Variants in FLT4 observed in about 807,000 individuals in gnomAD.
The protein encoded by FLT4 is fms related receptor tyrosine kinase 4, also known as vascular endothelial growth factor receptor 3.
In FLT4, 30 loss-of-function variants were observed where a neutral mutation model predicts 163.2. The ratio of observed to expected loss-of-function variants is 0.18; its 90% CI spans 0.14 to 0.25. FLT4 has a LOEUF of 0.25. FLT4 is among the 10% of genes least tolerant of loss of function. The probability of loss-of-function intolerance (pLI) is 1.00; values close to 1 mark genes in which losing one functional copy is unlikely to be tolerated. For missense variants in FLT4, 1,510 were observed against 1,863.8 expected (o/e 0.81, Z 3.50); for synonymous variants, 884 against 789.5 (o/e 1.12, Z -2.01).
chr5:180,619,426 C>CTGGCTGCTTAGCTAAGGCACAG, intron 18 of FLT4, 60 bp from the exon 19 acceptor site: 2 of 1,390,154 alleles, frequency 1.4e-6, no homozygotes, highest in Non-Finnish European at 2.0e-6. Context: ...TTCCCCGCCA[C>CTGGCTGCTTAGCTAAGGCACAG]CCGGCGCTTT....
At chr5:180,629,675 T>C (rs1181033182) in intron 6 of FLT4, 21 bp downstream of exon 6, 1 of 1,608,476 alleles carries the variant, frequency 6.2e-7, no homozygotes, top group Non-Finnish European at 8.5e-7. Flanking sequence ...CAGGACAGCC[T>C]GGCAGCGCTG....
intron 29 of FLT4, among the ~76,000 whole-genome samples, chr5:180,604,453 C>T (rs1761679955): frequency 1.3e-5 from 2 of 152,202 alleles, no homozygotes; most frequent in Admixed American, 1.3e-4. Context: ...GTGACATCCT[C>T]CCGCGGACTG....
intron 1 of FLT4, among the ~76,000 whole-genome samples, chr5:180,648,161 C>T (rs903478748): frequency 1.3e-5 from 2 of 152,238 alleles, no homozygotes; most frequent in African/African-American, 4.8e-5. Flanking sequence ...ATCCTGAGCA[C>T]CTGTGGGAGC....
chr5:180,608,894 C>T (rs1182697802), intron 29 of FLT4, 74 bp downstream of exon 29: 2 of 1,302,012 alleles, frequency 1.5e-6, no homozygotes, highest in South Asian at 2.4e-5. Flanking sequence ...TGGGCACACC[C>T]AGACCCCAGC....
chr5:180,639,321 G>A (rs1167589561), intron 1 of FLT4, among the ~76,000 whole-genome samples: 1 of 103,192 alleles, frequency 9.7e-6, no homozygotes, highest in Non-Finnish European at 2.1e-5. Context: ...AAGGATGGAT[G>A]GGTGGATGGA....
chr5:180,645,696 G>A (rs545067594), intron 1 of FLT4, among the ~76,000 whole-genome samples: 1 of 152,318 alleles, frequency 6.6e-6, no homozygotes, highest in South Asian at 2.1e-4. Flanking sequence ...AGCCCGGCCA[G>A]GGCTGGCGCC....
At position 180,636,846 on chromosome 5, in the gene FLT4, G is replaced by A. The variant is rs993890500; in HGVS notation, c.59-5068C>T. On this transcript the variant is annotated intron_variant, in intron 1 of 29. Coordinates refer to ENST00000261937, the MANE Select transcript of FLT4 (RefSeq NM_182925.5). The surrounding 1 kb of genome is among the most constrained non-coding windows in gnomAD (Gnocchi z 4.3). ...CTTGGTGCCCTCCCGGTGCTGCCCC[G>A]TCCTGGTGCGTGGGGTCCGCAGCCG... 4.0e-5 allele frequency among the ~76,000 whole-genome samples: 6 copies of A among 151,280 alleles called. No homozygotes were observed. Among genetic ancestry groups the A allele is most frequent in the African/African-American group, 7.3e-5 (3 of 41,018 alleles).
rs1762187536 is a variant in FLT4 at position 180,611,477 on chromosome 5, C to G, written c.3540G>C (p.Glu1180Asp). The change falls in exon 27 of 30, where the codon GAG becomes GAC. Residue 1180 changes from glutamate (E) to aspartate (D), a missense_variant and splice_region_variant. Physicochemically the swap from Glu to Asp is conservative, Grantham distance 45. This residue lies in a region of FLT4 where 295 missense variants were observed against 311.0 expected (regional missense o/e 0.95). Coordinates refer to ENST00000261937, the MANE Select transcript of FLT4 (RefSeq NM_182925.5). ...GDLLQGRGLQ[E>D]EEEVCMAPRS... is the part of the protein sequence containing the mutation. ...GCGGGGCCATGCAGACCTCCTCTTCCTCCTGGCGGGAACAGGAGAGGCAGC... is the reference window on the plus strand; with the variant it reads ...GCGGGGCCATGCAGACCTCCTCTTCGTCCTGGCGGGAACAGGAGAGGCAGC... 4 of 1,613,718 alleles carry G rather than the reference C, an allele frequency of 2.5e-6. No homozygotes were observed. Among genetic ancestry groups the G allele is most frequent in the Non-Finnish European group, 2.5e-6 (3 of 1,179,918 alleles).
intron 1 of FLT4, among the ~76,000 whole-genome samples, chr5:180,640,999 G>A (rs1378011294): frequency 6.6e-6 from 1 of 152,132 alleles, no homozygotes; most frequent in Non-Finnish European, 1.5e-5. Flanking sequence ...GAAGGGGCCG[G>A]CATGAGAGAT....
chr5:180,642,572 G>A (rs913360107), intron 1 of FLT4, among the ~76,000 whole-genome samples: 1 of 152,122 alleles, frequency 6.6e-6, no homozygotes, highest in Non-Finnish European at 1.5e-5. Flanking sequence ...TCTCTCGATG[G>A]TGGCACACCG....
Position 180,631,772 on chromosome 5 carries a change from A to C in FLT4, c.65T>G (p.Val22Gly). ...WLCLGLLDGL[V>G]SGYSMTPPTL... is the part of the protein sequence containing the mutation. The stretch of plus-strand genomic sequence containing the variant: ...CGGGGGGGTCATGGAGTAGCCACTC[A>C]CCAGGCCTGGGGTGGGAGACAGGGT... The change falls in exon 2 of 30, where the codon GTG (valine) becomes GGG (glycine). Residue 22 changes from valine to glycine, a missense_variant. Around this residue, in one of 5 missense-constraint regions of FLT4, gnomAD observed 157 missense variants for 178.7 expected, o/e 0.88. Coordinates refer to ENST00000261937, the MANE Select transcript of FLT4 (RefSeq NM_182925.5). 1.9e-6 allele frequency: 3 copies of C among 1,608,730 alleles called. No individual in the cohort carries two copies. Among genetic ancestry groups the C allele is most frequent in the Non-Finnish European group, 2.5e-6 (3 of 1,179,084 alleles).
chr5:180,621,055 TCGGCCTCG>T (rs771521010), intron 14 of FLT4, 43 bp downstream of exon 14: 5 of 1,611,996 alleles, frequency 3.1e-6, no homozygotes, highest in Non-Finnish European at 4.2e-6. Flanking sequence ...TTTGGGATCG[TCGGCCTCG>T]CGGGCCTCCG....
In FLT4 at chr5:180,630,401, G is replaced by T; in HGVS notation, c.401-64C>A. On this transcript the variant is annotated intron_variant, in intron 3 of 29. Transcript: ENST00000261937. This position sits in a 1 kb window ranked among gnomAD's most constrained non-coding sequence, Gnocchi z 6.3. ...CGGCCAGGCTGGGGGAGGGCTCCACGGGGCTGGGTGGTGCTGGTCCTGAAC... is the reference window on the plus strand; with the variant it reads ...CGGCCAGGCTGGGGGAGGGCTCCACTGGGCTGGGTGGTGCTGGTCCTGAAC... 1 of 1,555,418 alleles carries T rather than the reference G, an allele frequency of 6.4e-7. No homozygotes were observed. The highest frequency in any genetic ancestry group is 8.8e-7 in the Non-Finnish European group (1 of 1,140,112).
rs1036546391 is a variant in FLT4 at position 180,623,338 on chromosome 5, G to A, written c.1549-499C>T. On this transcript the variant is annotated intron_variant, in intron 11 of 29. Coordinates refer to ENST00000261937, the MANE Select transcript of FLT4 (RefSeq NM_182925.5). This position sits in a 1 kb window ranked among gnomAD's most constrained non-coding sequence, Gnocchi z 5.8. ...GGCCCAGGGTTATTGAGAGGGGTGG[G>A]GATGGCTCCCAGAAGGACTGAGGCC... Among the ~76,000 whole-genome samples the A allele has an allele frequency of 1.3e-5, 2 of 152,138 alleles. No individual in the cohort carries two copies. Among genetic ancestry groups the A allele is most frequent in the Non-Finnish European group, 2.9e-5 (2 of 68,008 alleles).
intron 1 of FLT4, among the ~76,000 whole-genome samples, chr5:180,646,179 C>T (rs931622488): frequency 6.6e-6 from 1 of 152,124 alleles, no homozygotes; most frequent in Admixed American, 6.5e-5. Context: ...CCATTGCCTA[C>T]CTCCACCCAA....
chr5:180,621,787 C>A lies in FLT4; in HGVS notation c.1775G>T (p.Arg592Leu), dbSNP rs1204416992. 6.2e-7 allele frequency: 1 copy of A among 1,613,278 alleles called. No homozygotes were observed. Among genetic ancestry groups the A allele is most frequent in the Admixed American group, 1.7e-5 (1 of 60,004 alleles). ...SYKYEHLRWY[R>L]LNLSTLHDAH... ...ATCGTGCAGCGTGGACAGGTTGAGG[C>A]GGTACCAGCGCAGATGCTCGTACTT... The change falls in exon 13 of 30, where the codon CGC (arginine) becomes CTC (leucine). Residue 592 changes from arginine (R) to leucine (L), a missense_variant. By Grantham distance (102) the Arg-to-Leu change is moderately radical (BLOSUM62 -2). Around this residue, in one of 5 missense-constraint regions of FLT4, gnomAD observed 878 missense variants for 1,016.7 expected, o/e 0.86. Coordinates refer to ENST00000261937, the MANE Select transcript of FLT4 (RefSeq NM_182925.5).
chr5:180,614,968 C>G (rs1007027019), intron 23 of FLT4, among the ~76,000 whole-genome samples: 1 of 152,134 alleles, frequency 6.6e-6, no homozygotes, highest in South Asian at 2.1e-4. Flanking sequence ...CAAGACACTC[C>G]GCCTCCTGAG....
At position 180,611,340 on chromosome 5, in the gene FLT4, A is replaced by G; in HGVS notation, c.3677T>C (p.Leu1226Pro). 1 of 1,613,862 alleles carries G rather than the reference A, an allele frequency of 6.2e-7. No homozygotes were observed. The highest frequency in any genetic ancestry group is 8.5e-7 in the Non-Finnish European group (1 of 1,179,980). Residue 1226 changes from leucine to proline, a missense_variant, in exon 27 of 30, where the codon CTG becomes CCG. Leu to Pro is a moderately conservative substitution (Grantham distance 98). Around this residue, in one of 5 missense-constraint regions of FLT4, gnomAD observed 295 missense variants for 311.0 expected, o/e 0.95. Transcript: ENST00000261937. Reference protein sequence around the residue: ...DSPPSLQRHSLAARYYNWVSF... With the variant: ...DSPPSLQRHSPAARYYNWVSF... The stretch of plus-strand genomic sequence containing the variant: ...CTGCAGGACAGCTGACCTGGCGGCC[A>G]GGCTGTGGCGCTGCAGGCTTGGCGG...
Position 180,619,769 on chromosome 5 carries a change from C to T in FLT4, c.2543G>A (p.Gly848Glu), listed in dbSNP as rs368752216. The change falls in exon 18 of 30, where the codon GGG (glycine) becomes GAG (glutamate). Residue 848 changes from glycine to glutamate, a missense_variant and splice_region_variant. This residue lies in a region of FLT4 where 878 missense variants were observed against 1,016.7 expected (regional missense o/e 0.86). Transcript: ENST00000261937. ...GAAGGCGCCGTAGCCGAGCACTCTCCCTGTCGGGGCAGGGGGCCAGTTGCA... is the reference window on the plus strand; with the variant it reads ...GAAGGCGCCGTAGCCGAGCACTCTCTCTGTCGGGGCAGGGGGCCAGTTGCA... ...WEFPRERLHLGRVLGYGAFGK... is the reference protein window; with the variant it reads ...WEFPRERLHLERVLGYGAFGK... The T allele has an allele frequency of 2.0e-5, 33 of 1,610,934 alleles. No homozygotes were observed. The highest frequency in any genetic ancestry group is 2.7e-5 in the African/African-American group (2 of 74,930).
Sources: allele counts gnomAD v4.1 joint callset (sites outside exome capture counted in the v4.1 genomes callset), GRCh38; gene constraint gnomAD v4.1.1; regional missense constraint gnomAD v4.1.1; non-coding constraint Gnocchi (gnomAD v3.1); transcripts MANE v1.5; gene names NCBI Gene and HGNC (gene_info 2026-07-23, HGNC 2026-07-21).